Variants in MPPED2 observed in about 807,000 individuals in gnomAD.
MPPED2 encodes metallophosphoesterase MPPED2.
Under a neutral mutation model 33.0 loss-of-function variants are expected in MPPED2, and 5 were observed. That is an observed-to-expected ratio of 0.15 (90% confidence interval 0.08 to 0.32). The LOEUF is 0.32. Among genes scored for constraint, MPPED2 ranks in the 10% least tolerant of loss-of-function variants. The pLI is 1.00. For synonymous variants in MPPED2, 136 were observed against 141.9 expected (o/e 0.96, Z 0.29); for missense variants, 275 against 372.1 (o/e 0.74, Z 2.15).
chr11:30,569,061 A>G lies in MPPED2; in HGVS notation c.128+11185T>C, dbSNP rs540244959. Among the ~76,000 whole-genome samples the G allele has an allele frequency of 4.2e-4, 64 of 152,318 alleles. No individual in the cohort carries two copies. In the Middle Eastern group the frequency reaches 0.01, roughly 24 times the overall value. On this transcript the variant is annotated intron_variant, in intron 2 of 6. Coordinates refer to ENST00000358117, the MANE Select transcript of MPPED2 (RefSeq NM_001584.3). ...ACAACAAATGACAAACAATCTGAGC[A>G]GTAAAGGTCCCAGTTTGGTTGCCAA...
chr11:30,553,100 A>G (rs1223092755), intron 2 of MPPED2, among the ~76,000 whole-genome samples: 1 of 152,164 alleles, frequency 6.6e-6, no homozygotes, highest in Non-Finnish European at 1.5e-5. Flanking sequence ...ATGCAAACCA[A>G]GGGTGCAGAT....
At chr11:30,390,664 T>C (rs1160787012) in intron 6 of MPPED2, among the ~76,000 whole-genome samples, 1 of 152,206 alleles carries the variant, frequency 6.6e-6, no homozygotes, top group East Asian at 1.9e-4. Flanking sequence ...CCCCAAAACC[T>C]AGTGGCTTAA....
chr11:30,515,493 C>T (rs1247954739), intron 3 of MPPED2, among the ~76,000 whole-genome samples: 1 of 152,120 alleles, frequency 6.6e-6, no homozygotes, highest in Non-Finnish European at 1.5e-5. Context: ...AAACTAGGGG[C>T]TAGAGAAAAC....
chr11:30,540,390 T>C (rs1336398800), intron 2 of MPPED2, among the ~76,000 whole-genome samples: 1 of 152,170 alleles, frequency 6.6e-6, no homozygotes, highest in African/African-American at 2.4e-5. Flanking sequence ...TGTGCCTTGG[T>C]TCCCTCATCA....
chr11:30,574,498 T>C (rs1374073892), intron 2 of MPPED2, among the ~76,000 whole-genome samples: 1 of 152,200 alleles, frequency 6.6e-6, no homozygotes, highest in East Asian at 1.9e-4. Flanking sequence ...TCCCTGTCAT[T>C]AAGTGACACC....
At chr11:30,388,900 T>C (rs1054868796) in exon 7 of MPPED2, 2 of 1,565,146 alleles carry the variant, frequency 1.3e-6, no homozygotes, top group Non-Finnish European at 1.7e-6. Context: ...TAGGAAGTTT[T>C]TGAAGGCAGA....
At chr11:30,388,885 T>C (rs1246268414) in exon 7 of MPPED2, 9 of 1,559,206 alleles carry the variant, frequency 5.8e-6, no homozygotes, top group East Asian at 2.3e-5. Context: ...CAGTTTCCTC[T>C]AGACTAGGAA....
intron 2 of MPPED2, among the ~76,000 whole-genome samples, chr11:30,541,071 C>T (rs1955082476): frequency 6.6e-6 from 1 of 152,200 alleles, no homozygotes; most frequent in Admixed American, 6.5e-5. Flanking sequence ...GGAGGTGGCA[C>T]TGCTGAACAA....
chr11:30,577,100 A>G (rs1375072502), intron 2 of MPPED2, among the ~76,000 whole-genome samples: 3 of 152,188 alleles, frequency 2.0e-5, no homozygotes, highest in Non-Finnish European at 4.4e-5. Flanking sequence ...GCAAATAAAC[A>G]TTGTCTTAAC....
At chr11:30,432,696 G>T (rs182116151) in intron 4 of MPPED2, among the ~76,000 whole-genome samples, 67 of 152,032 alleles carry the variant, frequency 4.4e-4, no homozygotes, top group Non-Finnish European at 8.2e-4. Flanking sequence ...ATTCTTTTTT[G>T]AAAATTGCTT....
chr11:30,581,446 A>T (rs2134926682), intron 1 of MPPED2, among the ~76,000 whole-genome samples: 1 of 152,302 alleles, frequency 6.6e-6, no homozygotes, highest in African/African-American at 2.4e-5. Context: ...TCTCATGTCC[A>T]AGTTGTTGCA....
chr11:30,519,264 G>C (rs1953711453), intron 3 of MPPED2, among the ~76,000 whole-genome samples: 1 of 151,998 alleles, frequency 6.6e-6, no homozygotes. Flanking sequence ...GCAAGATCCT[G>C]TCTCAAAAGC....
intron 3 of MPPED2, among the ~76,000 whole-genome samples, chr11:30,509,544 T>G (rs1255240918): frequency 6.6e-6 from 1 of 152,184 alleles, no homozygotes; most frequent in South Asian, 2.1e-4. Flanking sequence ...TTTTGACAGC[T>G]GGCTTTGCAG....
intron 2 of MPPED2, among the ~76,000 whole-genome samples, chr11:30,562,917 G>A (rs898320169): frequency 1.3e-5 from 2 of 152,030 alleles, no homozygotes; most frequent in South Asian, 2.1e-4. Flanking sequence ...GGCAAGACAC[G>A]CTAGCAGACA....
intron 4 of MPPED2, among the ~76,000 whole-genome samples, chr11:30,471,749 G>A (rs1329954384): frequency 1.3e-5 from 2 of 152,146 alleles, no homozygotes; most frequent in Non-Finnish European, 2.9e-5. Flanking sequence ...GCAGGCGTTC[G>A]ATAAATGGTA....
chr11:30,565,583 A>G (rs1956410445), intron 2 of MPPED2, among the ~76,000 whole-genome samples: 1 of 152,166 alleles, frequency 6.6e-6, no homozygotes, highest in East Asian at 1.9e-4. Flanking sequence ...GGTCATCTCC[A>G]GAAAGTCTAA....
At chr11:30,554,594 G>A (rs547934415) in intron 2 of MPPED2, among the ~76,000 whole-genome samples, 6 of 21,538 alleles carry the variant, frequency 2.8e-4, no homozygotes, top group African/African-American at 4.6e-4. Flanking sequence ...AGGTTCAGGA[G>A]ATTCTCGTGC....
intron 4 of MPPED2, among the ~76,000 whole-genome samples, chr11:30,449,333 T>G (rs1287321556): frequency 6.6e-6 from 1 of 152,192 alleles, no homozygotes; most frequent in East Asian, 1.9e-4. Flanking sequence ...AGGAGTATTT[T>G]TGAGCTGAAA....
intron 2 of MPPED2, among the ~76,000 whole-genome samples, chr11:30,566,090 A>T (rs1012168526): frequency 1.3e-5 from 2 of 152,140 alleles, no homozygotes; most frequent in Non-Finnish European, 2.9e-5. Context: ...AAAACGCATG[A>T]TTCCCATGAT....
Sources: gnomAD v4.1 joint callset for allele counts (sites outside exome capture counted in the v4.1 genomes callset) on GRCh38, gnomAD v4.1.1 for gene constraint, MANE v1.5 for transcripts, NCBI Gene and HGNC (gene_info 2026-07-23, HGNC 2026-07-21) for gene names.